Variants in SDK1 observed in about 807,000 individuals in gnomAD.
SDK1 encodes the protein protein sidekick-1.
Under a neutral mutation model 245.5 loss-of-function variants are expected in SDK1, and 157 were observed. The ratio of observed to expected loss-of-function variants is 0.64; its 90% CI spans 0.56 to 0.73. The LOEUF is 0.73. Among genes scored for constraint, SDK1 ranks in the 30% least tolerant of loss-of-function variants. The pLI is 0.00. For missense variants in SDK1, 3,583 were observed against 3,002.3 expected (o/e 1.19, Z -4.52); for synonymous variants, 1,647 against 1,278.5 (o/e 1.29, Z -6.15).
At chr7:3,353,201 C>T (rs917706671) in intron 1 of SDK1, among the ~76,000 whole-genome samples, 6 of 152,096 alleles carry the variant, frequency 3.9e-5, no homozygotes, top group African/African-American at 1.2e-4. Context: ...TGGAAAGATC[C>T]AAGAACCATT....
intron 1 of SDK1, among the ~76,000 whole-genome samples, chr7:3,426,146 G>A (rs1002189163): frequency 3.3e-5 from 5 of 152,204 alleles, no homozygotes; most frequent in Non-Finnish European, 5.9e-5. Flanking sequence ...ATAAGCAGTT[G>A]ATTCCGTGTT....
At position 3,312,472 on chromosome 7, in the gene SDK1, G is replaced by A. The variant is rs1779572869; in HGVS notation, c.298+10588G>A. Among the ~76,000 whole-genome samples, 3 of 151,940 alleles carry A rather than the reference G, an allele frequency of 2.0e-5. No homozygotes were observed. In the South Asian group the frequency reaches 6.2e-4, roughly 32 times the overall value. ...CTTAAAATTATGAGAGATGAAAGGG[G>A]TAAGATCATAATGAAAGAGCACAGA... On this transcript the variant is annotated intron_variant, in intron 1 of 44. Transcript: ENST00000404826.
chr7:3,496,552 G>C (rs1782032666), intron 1 of SDK1, among the ~76,000 whole-genome samples: 1 of 150,654 alleles, frequency 6.6e-6, no homozygotes, highest in Non-Finnish European at 1.5e-5. Context: ...ATATTCTTTT[G>C]CATGAACAAA....
chr7:3,308,472 C>G (rs1477000001), intron 1 of SDK1, among the ~76,000 whole-genome samples: 1 of 152,142 alleles, frequency 6.6e-6, no homozygotes, highest in African/African-American at 2.4e-5. Flanking sequence ...ACAGGCTTAA[C>G]TGGCACTTTA....
intron 5 of SDK1, among the ~76,000 whole-genome samples, chr7:3,913,363 G>T (rs409171): frequency 0.77 from 115,203 of 149,104 alleles, 45,154 homozygotes; most frequent in East Asian, 0.99. Context: ...GCACGATCTC[G>T]GCTCACTGCA....
intron 1 of SDK1, among the ~76,000 whole-genome samples, chr7:3,358,214 G>A (rs777041219): frequency 2.6e-4 from 39 of 152,142 alleles, no homozygotes; most frequent in Non-Finnish European, 4.4e-4. Context: ...TAGAGGCAGG[G>A]TTTCACCATG....
chr7:4,014,551 C>G (rs1051882852), intron 16 of SDK1, among the ~76,000 whole-genome samples: 13 of 152,196 alleles, frequency 8.5e-5, no homozygotes, highest in African/African-American at 2.9e-4. Context: ...GGCACAGTCT[C>G]TGTGTCAGAT....
At chr7:3,739,759 TA>T (rs1176704354) in intron 4 of SDK1, among the ~76,000 whole-genome samples, 1 of 152,192 alleles carries the variant, frequency 6.6e-6, no homozygotes, top group Non-Finnish European at 1.5e-5. Context: ...TAGCATACCT[TA>T]GGGGCAGTTT....
At chr7:3,367,318 G>C (rs1781118015) in intron 1 of SDK1, among the ~76,000 whole-genome samples, 1 of 152,082 alleles carries the variant, frequency 6.6e-6, no homozygotes, top group Non-Finnish European at 1.5e-5. Context: ...TTTTGTGTAG[G>C]AAAGCAAGGA....
chr7:3,359,794 C>G (rs1262016213), intron 1 of SDK1, among the ~76,000 whole-genome samples: 2 of 152,092 alleles, frequency 1.3e-5, no homozygotes, highest in Non-Finnish European at 2.9e-5. Flanking sequence ...TGTGACATTC[C>G]AGGGCATTCT....
At chr7:4,146,346 G>A (rs563060745) in intron 29 of SDK1, among the ~76,000 whole-genome samples, 10 of 150,866 alleles carry the variant, frequency 6.6e-5, no homozygotes, top group African/African-American at 2.4e-4. Flanking sequence ...AGACATGTGA[G>A]CATTGCATTC....
chr7:3,565,603 T>G (rs1779886691), intron 1 of SDK1, among the ~76,000 whole-genome samples: 1 of 152,224 alleles, frequency 6.6e-6, no homozygotes, highest in Admixed American at 6.5e-5. Flanking sequence ...AGTCATCTCT[T>G]GGTATCTGGA....
intron 4 of SDK1, among the ~76,000 whole-genome samples, chr7:3,699,503 G>A (rs1288116836): frequency 6.6e-6 from 1 of 152,182 alleles, no homozygotes; most frequent in Admixed American, 6.5e-5. Context: ...AATTAATCTT[G>A]ATGATGTACT....
intron 16 of SDK1, among the ~76,000 whole-genome samples, chr7:4,016,350 CT>C (rs1356395941): frequency 9.2e-5 from 14 of 152,250 alleles, no homozygotes; most frequent in Admixed American, 8.5e-4. Flanking sequence ...GGGCATGCCC[CT>C]GGCTTTACCC....
intron 26 of SDK1, among the ~76,000 whole-genome samples, chr7:4,129,369 G>A (rs142417136): frequency 3.7e-5 from 2 of 53,596 alleles, no homozygotes; most frequent in African/African-American, 7.3e-5. Flanking sequence ...GGGGTTGGGT[G>A]CCCTGGAATA....
chr7:3,490,733 G>A (rs565811063), intron 1 of SDK1, among the ~76,000 whole-genome samples: 3 of 152,328 alleles, frequency 2.0e-5, no homozygotes, highest in African/African-American at 7.2e-5. Context: ...ACTTGGAGGG[G>A]TCTGTGAGCC....
At chr7:4,172,113 T>C (rs935689782) in intron 32 of SDK1, among the ~76,000 whole-genome samples, 2 of 152,206 alleles carry the variant, frequency 1.3e-5, no homozygotes, top group Non-Finnish European at 2.9e-5. Flanking sequence ...GTTCCCGTTA[T>C]GCTTTTCCGC....
At chr7:4,129,717 C>G (rs1272744689) in intron 26 of SDK1, 191 bp from the exon 27 acceptor site, 3 of 1,416,660 alleles carry the variant, frequency 2.1e-6, no homozygotes, top group Non-Finnish European at 2.8e-6. Context: ...GGAGCGCAGT[C>G]ACTTTACAAC....
intron 1 of SDK1, among the ~76,000 whole-genome samples, chr7:3,496,868 G>C (rs1169649141): frequency 6.6e-6 from 1 of 152,166 alleles, no homozygotes; most frequent in African/African-American, 2.4e-5. Context: ...CCCCACCACA[G>C]TTAGGTTAGT....
Sources: gnomAD v4.1 joint callset for allele counts (sites outside exome capture counted in the v4.1 genomes callset) on GRCh38, gnomAD v4.1.1 for gene constraint, MANE v1.5 for transcripts, NCBI Gene and HGNC (gene_info 2026-07-23, HGNC 2026-07-21) for gene names.